The following DUSP11 variants were observed in gnomAD, a reference collection of about 807,000 sequenced individuals.
DUSP11 encodes the protein dual specificity phosphatase 11.
Under a neutral mutation model 41.4 loss-of-function variants are expected in DUSP11, and 27 were observed. The ratio of observed to expected loss-of-function variants is 0.65; its 90% confidence interval spans 0.48 to 0.90. DUSP11 has a LOEUF of 0.90. DUSP11 is among the 40% of genes least tolerant of loss of function. The probability of loss-of-function intolerance (pLI) is 0.00; values close to 1 mark genes in which losing one functional copy is unlikely to be tolerated. For synonymous variants in DUSP11, 188 were observed against 159.3 expected, an observed-to-expected ratio of 1.18 and a Z score of -1.35; for missense variants, 465 against 461.1, an observed-to-expected ratio of 1.01 and a Z score of -0.08.
chr2:73,768,600 A>G (rs1672514473), intron 5 of DUSP11: 3 of 985,302 alleles, frequency 3.0e-6, no homozygotes, highest in African/African-American at 1.7e-5. Flanking sequence ...ATGTTTTATA[A>G]TATCAAAAAC....
intron 2 of DUSP11, among the ~76,000 whole-genome samples, chr2:73,776,082 G>A (rs891205953): frequency 1.3e-5 from 2 of 151,848 alleles, no homozygotes; most frequent in African/African-American, 2.4e-5. Context: ...CCTTCAATCT[G>A]TCTGGCTACT....
intron 1 of DUSP11, chr2:73,779,528 T>C (rs1672752186): frequency 3.2e-6 from 1 of 313,524 alleles, no homozygotes; most frequent in African/African-American, 2.1e-5. Flanking sequence ...ACTCAAACCA[T>C]TACACTTTCC....
At chr2:73,765,845 T>C (rs566998682) in intron 8 of DUSP11, among the ~76,000 whole-genome samples, 3 of 152,360 alleles carry the variant, frequency 2.0e-5, no homozygotes, top group South Asian at 2.1e-4. Flanking sequence ...AAGATCCTTT[T>C]TGATAGCCAC....
Position 73,762,799 on chromosome 2 carries a change from AG to A in DUSP11, c.995del (p.Pro332LeufsTer14), listed in dbSNP as rs1672387964. The A allele has an allele frequency of 3.1e-6, 5 of 1,611,986 alleles. No individual in the cohort carries two copies. Among genetic ancestry groups the A allele is most frequent in the Admixed American group, 1.7e-5 (1 of 59,550 alleles). ...ACCTCCTGTGTGAATAGTCCTCTCC[AG>A]GGGGACCAGGAGGAGGGAGATGGTG... On this transcript the variant is annotated frameshift_variant, in exon 9 of 9. Transcript: ENST00000272444. LOFTEE classifies it low-confidence loss of function (END_TRUNC).
In DUSP11 at chr2:73,766,405, CAG is replaced by C; in HGVS notation, c.935+11_935+12del. 1.9e-6 allele frequency: 3 copies of C among 1,590,998 alleles called. No homozygotes were observed. The highest frequency in any genetic ancestry group is 8.5e-7 in the Non-Finnish European group (1 of 1,171,212). ...TATCTCAATTCTAGAAAAGGGAAAACAGAGAGAGGTACCTGACTGATTGTTGC... is the reference window on the plus strand; with the variant it reads ...TATCTCAATTCTAGAAAAGGGAAAACAGAGAGGTACCTGACTGATTGTTGC... On this transcript the variant is annotated intron_variant, in intron 8 of 8. Transcript: ENST00000272444.
chr2:73,773,946 A>T (rs930821809), intron 3 of DUSP11, 23 bp from the exon 4 acceptor site: 40 of 1,540,836 alleles, frequency 2.6e-5, no homozygotes, highest in Non-Finnish European at 3.1e-5. Flanking sequence ...ACCATAAAAG[A>T]TGTGTATTAT....
intron 1 of DUSP11, 152 bp downstream of exon 1, chr2:73,779,722 G>T: frequency 8.6e-7 from 1 of 1,163,824 alleles, no homozygotes; most frequent in Non-Finnish European, 1.2e-6. Context: ...TTCAGCTACA[G>T]CGGGTGGCGC....
Position 73,776,142 on chromosome 2 carries a change from C to T in DUSP11, c.319-1098G>A, listed in dbSNP as rs186252373. 3.9e-5 allele frequency among the ~76,000 whole-genome samples: 6 copies of T among 151,940 alleles called. No homozygotes were observed. In the East Asian group the frequency reaches 5.9e-4, roughly 15 times the overall value. On this transcript the variant is annotated intron_variant, in intron 2 of 8. Coordinates refer to ENST00000272444, the Ensembl canonical transcript of DUSP11. ...AAAAATAGACTAGTTTGGCTGGGTG[C>T]GGTGGCTCAAGCCTGTAATCCCAGC... is the stretch of plus-strand genomic sequence containing the variant.
At chr2:73,768,534 C>T in intron 5 of DUSP11, 1 of 985,376 alleles carries the variant, frequency 1.0e-6, no homozygotes, top group Non-Finnish European at 1.2e-6. Flanking sequence ...GAAATTACCT[C>T]CGGGGCTATG....
At chr2:73,774,015 A>T (rs1672634092) in intron 3 of DUSP11, 92 bp from the exon 4 acceptor site, 1 of 1,120,620 alleles carries the variant, frequency 8.9e-7, no homozygotes, top group Non-Finnish European at 1.2e-6. Flanking sequence ...AAGCCAAGAG[A>T]TTATAACAAA....
chr2:73,766,720 C>T, intron 7 of DUSP11, 108 bp downstream of exon 7: 1 of 1,356,862 alleles, frequency 7.4e-7, no homozygotes, highest in Non-Finnish European at 1.0e-6. Context: ...TTTACATCTC[C>T]CCCCAACAAA....
At chr2:73,778,476 GTCCTCTC>G in intron 1 of DUSP11, 100 bp from the exon 2 acceptor site, 1 of 671,998 alleles carries the variant, frequency 1.5e-6, no homozygotes, top group South Asian at 2.4e-5. Context: ...CGCACAACAT[GTCCTCTC>G]TCCTCTCTGC....
chr2:73,773,922 T>C (rs1185284715), exon 4 of DUSP11: 1 of 1,590,456 alleles, frequency 6.3e-7, no homozygotes, highest in Non-Finnish European at 8.6e-7. Context: ...TTCTGGCAAA[T>C]CCTATAAAGC....
rs770932773 is a variant in DUSP11, at chr2:73,778,379, A to G, written c.243-3T>C. 14 of 1,509,436 alleles carry G rather than the reference A, an allele frequency of 9.3e-6. No homozygotes were observed. Among genetic ancestry groups the G allele is most frequent in the South Asian group, 7.8e-5 (6 of 76,742 alleles). The allele number at this position is 1,509,436 out of a possible 1,614,324, so 93.5% of individuals were successfully genotyped here. ...CAACTGGGAGATAGTCTTTCCACCT[A>G]TTAGATATATTTTTTGTTAGCCAAA... On this transcript the variant is annotated splice_region_variant and splice_polypyrimidine_tract_variant and intron_variant, in intron 1 of 8. Coordinates refer to ENST00000272444, the Ensembl canonical transcript of DUSP11.
At chr2:73,766,761 C>A in intron 7 of DUSP11, 67 bp downstream of exon 7, 1 of 1,412,862 alleles carries the variant, frequency 7.1e-7, no homozygotes, top group African/African-American at 1.4e-5. Flanking sequence ...TGAACATATG[C>A]AACTTAAATT....
intron 2 of DUSP11, among the ~76,000 whole-genome samples, chr2:73,776,812 G>A (rs560814723): frequency 2.4e-4 from 37 of 152,314 alleles, no homozygotes; most frequent in Non-Finnish European, 5.0e-4. Flanking sequence ...TGCAGAATAA[G>A]CACTCAGTAA....
Position 73,775,049 on chromosome 2 carries a change from C to T in DUSP11, c.319-5G>A. The T allele has an allele frequency of 1.9e-6, 3 of 1,607,930 alleles. No individual in the cohort carries two copies. In the South Asian group the frequency reaches 3.3e-5, roughly 18 times the overall value. ...AGCAAGTTTCTTTTCAAAACTCTGT[C>T]ACAGAGAATGAAATAAGAGCAAATA... On this transcript the variant is annotated splice_polypyrimidine_tract_variant and splice_region_variant and intron_variant, in intron 2 of 8. Transcript: ENST00000272444.
At chr2:73,764,695 G>A (rs1176282759) in intron 8 of DUSP11, among the ~76,000 whole-genome samples, 1 of 152,214 alleles carries the variant, frequency 6.6e-6, no homozygotes, top group Non-Finnish European at 1.5e-5. Context: ...GGCTGGGCGA[G>A]GTGGTTCATG....
At chr2:73,778,439 G>T in intron 1 of DUSP11, 63 bp from the exon 2 acceptor site, 1 of 1,139,200 alleles carries the variant, frequency 8.8e-7, no homozygotes, top group South Asian at 1.8e-5. Context: ...CACAAAATAA[G>T]ACTTTTTGAA....
Sources: gnomAD v4.1 joint callset for allele counts (sites outside exome capture counted in the v4.1 genomes callset) on GRCh38, gnomAD v4.1.1 for gene constraint, MANE v1.5 for transcripts, NCBI Gene and HGNC (gene_info 2026-07-23, HGNC 2026-07-21) for gene names.